Variants in KDM1B observed in about 807,000 individuals in gnomAD.
KDM1B encodes the protein lysine demethylase 1B, also known as lysine-specific histone demethylase 2.
Under a neutral mutation model 107.4 loss-of-function variants are expected in KDM1B, and 63 were observed. That is an observed-to-expected ratio of 0.59 (90% CI 0.48 to 0.72). The LOEUF (loss-of-function observed/expected upper bound fraction) is 0.72, where lower values mean the gene tolerates loss of function less well. Among genes scored for constraint, KDM1B ranks in the 30% least tolerant of loss-of-function variants. KDM1B has a pLI of 0.00. For synonymous variants in KDM1B, 363 were observed against 363.9 expected (o/e 1.00, Z 0.03); for missense variants, 749 against 1,020.8 (o/e 0.73, Z 3.63).
intron 6 of KDM1B, among the ~76,000 whole-genome samples, chr6:18,170,976 A>AGTTAGCC (rs1271178467): frequency 2.0e-4 from 31 of 151,806 alleles, no homozygotes; most frequent in Admixed American, 5.3e-4. Flanking sequence ...GCCCGCCACC[A>AGTTAGCC]CGCCTGGCTA....
At position 18,211,294 on chromosome 6, in the gene KDM1B, C is replaced by G. The variant is rs1388704159; in HGVS notation, c.1867-1194C>G. ...TCAGGTAGATTGGGTGCTTGGTCTT[C>G]AACTCCATTCCACTCTGATCCTAGG... On this transcript the variant is annotated intron_variant, in intron 17 of 21. Coordinates refer to ENST00000650836, the MANE Select transcript of KDM1B (RefSeq NM_001364614.2). The surrounding 1 kb of genome is among the most constrained non-coding windows in gnomAD (Gnocchi z 5.2). Among the ~76,000 whole-genome samples the G allele has an allele frequency of 6.6e-6, 1 of 152,178 alleles. No individual in the cohort carries two copies. Among genetic ancestry groups the G allele is most frequent in the East Asian group, 1.9e-4 (1 of 5,188 alleles).
intron 8 of KDM1B, among the ~76,000 whole-genome samples, 194 bp from the exon 9 acceptor site, chr6:18,187,598 A>G (rs1582141666): frequency 6.6e-6 from 1 of 152,266 alleles, no homozygotes; most frequent in African/African-American, 2.4e-5. Context: ...CATTCTTGCC[A>G]GGTGTTATCA....
At chr6:18,161,942 T>G (rs1341833894) in intron 4 of KDM1B, among the ~76,000 whole-genome samples, 2 of 152,150 alleles carry the variant, frequency 1.3e-5, no homozygotes, top group Admixed American at 1.3e-4. Context: ...TCTTCTTTTT[T>G]TTTTTCTTTT....
At chr6:18,156,982 T>C (rs1004239336) in intron 2 of KDM1B, among the ~76,000 whole-genome samples, 1 of 152,118 alleles carries the variant, frequency 6.6e-6, no homozygotes, top group South Asian at 2.1e-4. Context: ...TATAATGAAA[T>C]CTACATATTG....
chr6:18,175,222 G>A (rs1368798184), intron 7 of KDM1B, among the ~76,000 whole-genome samples: 1 of 152,084 alleles, frequency 6.6e-6, no homozygotes, highest in African/African-American at 2.4e-5. Flanking sequence ...TTCGACTTGC[G>A]TTTCCCCAAT....
chr6:18,183,717 T>A (rs1786642066), intron 7 of KDM1B, among the ~76,000 whole-genome samples: 1 of 152,130 alleles, frequency 6.6e-6, no homozygotes, highest in Non-Finnish European at 1.5e-5. Flanking sequence ...CGCTCAACAT[T>A]AAGGTTTTGG....
intron 6 of KDM1B, among the ~76,000 whole-genome samples, chr6:18,170,850 T>C (rs924902623): frequency 6.6e-6 from 1 of 151,560 alleles, no homozygotes; most frequent in Non-Finnish European, 1.5e-5. Context: ...AGACGGAGTC[T>C]TGCTCCGTTG....
rs572234102 is a variant in KDM1B at position 18,162,515 on chromosome 6, T to C, written c.216-320T>C. Among the ~76,000 whole-genome samples, 42 of 152,234 alleles carry C rather than the reference T, an allele frequency of 2.8e-4. No individual in the cohort carries two copies. The highest frequency in any genetic ancestry group is 9.2e-4 in the African/African-American group (38 of 41,524). On this transcript the variant is annotated intron_variant, in intron 4 of 21. Transcript: ENST00000650836. This position sits in a 1 kb window ranked among gnomAD's most constrained non-coding sequence, Gnocchi z 4.1. ...TACTGGGCCCCACGTTATTCTCTCA[T>C]GTCCACATATGCAGCCTGCAGCAAG...
intron 7 of KDM1B, among the ~76,000 whole-genome samples, chr6:18,182,438 A>T (rs960266553): frequency 6.6e-6 from 1 of 152,092 alleles, no homozygotes; most frequent in Non-Finnish European, 1.5e-5. Context: ...ACAATTGACA[A>T]CTCTGTACAC....
At chr6:18,163,491 C>T (rs1418721784) in intron 5 of KDM1B, among the ~76,000 whole-genome samples, 1 of 151,938 alleles carries the variant, frequency 6.6e-6, no homozygotes, top group Non-Finnish European at 1.5e-5. Context: ...TTTTTTATTT[C>T]TCTAGTTTCA....
Position 18,211,177 on chromosome 6 carries a change from G to A in KDM1B, c.1867-1311G>A, listed in dbSNP as rs1037845247. 6.6e-6 allele frequency among the ~76,000 whole-genome samples: 1 copy of A among 152,066 alleles called. No individual in the cohort carries two copies. The highest frequency in any genetic ancestry group is 2.4e-5 in the African/African-American group (1 of 41,402). On this transcript the variant is annotated intron_variant, in intron 17 of 21. Coordinates refer to ENST00000650836, the MANE Select transcript of KDM1B (RefSeq NM_001364614.2). This position sits in a 1 kb window ranked among gnomAD's most constrained non-coding sequence, Gnocchi z 5.2. Reference sequence around the variant, plus strand: ...TTATACTTTATAAAAATATTTTCATGTGGCAGAAAATAGTGACAAAATCAG... The same window carrying A: ...TTATACTTTATAAAAATATTTTCATATGGCAGAAAATAGTGACAAAATCAG...
intron 3 of KDM1B, among the ~76,000 whole-genome samples, chr6:18,160,406 G>A (rs1225793845): frequency 1.3e-5 from 2 of 152,158 alleles, no homozygotes; most frequent in African/African-American, 2.4e-5. Context: ...ATTGAACAAT[G>A]TAATTCTTTC....
In KDM1B at chr6:18,197,683, G is replaced by C. The variant is rs1446031392; in HGVS notation, c.1221+22G>C. ...TAAGGTAGGATTTTGGGGACATGGA[G>C]TTAGAACAGATGGTTGACTGCTCCT... On this transcript the variant is annotated intron_variant, in intron 12 of 21. Coordinates refer to ENST00000650836, the MANE Select transcript of KDM1B (RefSeq NM_001364614.2). The surrounding 1 kb of genome is among the most constrained non-coding windows in gnomAD (Gnocchi z 4.5). The C allele has an allele frequency of 6.3e-7, 1 of 1,583,358 alleles. No individual in the cohort carries two copies. Among genetic ancestry groups the C allele is most frequent in the Middle Eastern group, 1.7e-4 (1 of 5,980 alleles).
At chr6:18,166,761 G>A (rs1785325468) in intron 6 of KDM1B, among the ~76,000 whole-genome samples, 1 of 151,746 alleles carries the variant, frequency 6.6e-6, no homozygotes. Flanking sequence ...GGTTGAGGTT[G>A]GGGAATTGCT....
At chr6:18,179,840 G>GCTA (rs1561921251) in intron 7 of KDM1B, among the ~76,000 whole-genome samples, 1 of 79,396 alleles carries the variant, frequency 1.3e-5, no homozygotes, top group Non-Finnish European at 2.3e-5. Context: ...TTTAGCATTG[G>GCTA]TTTTTTTTCC....
rs1369737533 is a variant in KDM1B, at chr6:18,172,214, ATTAC to A, written c.534+741_534+744del. Among the ~76,000 whole-genome samples, 1 of 152,176 alleles carries A rather than the reference ATTAC, an allele frequency of 6.6e-6. No homozygotes were observed. Among genetic ancestry groups the A allele is most frequent in the Non-Finnish European group, 1.5e-5 (1 of 68,044 alleles). ...AATGTGCCTTTTTTGAAATTTGGCA[ATTAC>A]TTACTGTTTAAAAACCTATTATTAT... On this transcript the variant is annotated intron_variant, in intron 7 of 21. Transcript: ENST00000650836. This position sits in a 1 kb window ranked among gnomAD's most constrained non-coding sequence, Gnocchi z 5.2.
Position 18,186,057 on chromosome 6 carries a change from G to T in KDM1B, c.573+247G>T, listed in dbSNP as rs369431888. ...TTCATTAAAAGGAAACAAAGAGGAA[G>T]ACACAGCTCTCCTGCCTTGCTCTAG... On this transcript the variant is annotated intron_variant, in intron 8 of 21. Coordinates refer to ENST00000650836, the MANE Select transcript of KDM1B (RefSeq NM_001364614.2). This position sits in a 1 kb window ranked among gnomAD's most constrained non-coding sequence, Gnocchi z 5.6. 5.3e-5 allele frequency among the ~76,000 whole-genome samples: 8 copies of T among 152,290 alleles called. No individual in the cohort carries two copies. In the East Asian group the frequency reaches 1.2e-3, roughly 22 times the overall value.
chr6:18,157,247 G>A (rs1784677152), intron 2 of KDM1B, among the ~76,000 whole-genome samples: 1 of 152,132 alleles, frequency 6.6e-6, no homozygotes, highest in African/African-American at 2.4e-5. Context: ...ATTACATCAA[G>A]TGCCAAAAGT....
intron 2 of KDM1B, among the ~76,000 whole-genome samples, chr6:18,158,078 G>T (rs189811877): frequency 1.0e-3 from 157 of 152,176 alleles, no homozygotes; most frequent in African/African-American, 3.6e-3. Flanking sequence ...CTCCCAAAGT[G>T]CTGGGATTAC....
Sources: allele counts gnomAD v4.1 joint callset (sites outside exome capture counted in the v4.1 genomes callset), GRCh38; gene constraint gnomAD v4.1.1; non-coding constraint Gnocchi (gnomAD v3.1); transcripts MANE v1.5; gene names NCBI Gene and HGNC (gene_info 2026-07-23, HGNC 2026-07-21).